NSUN7: variants seen among roughly 807,000 people sequenced by gnomAD.
NSUN7 encodes NOP2/Sun RNA methyltransferase family member 7.
In NSUN7, 39 loss-of-function variants were observed where a neutral mutation model predicts 58.5. That is an observed-to-expected ratio of 0.67 (90% CI 0.52 to 0.87). The LOEUF (loss-of-function observed/expected upper bound fraction) is 0.87. Among genes scored for constraint, NSUN7 ranks in the 40% least tolerant of loss-of-function variants. The pLI is 0.00. For synonymous variants in NSUN7, 278 were observed against 303.7 expected, an observed-to-expected ratio of 0.92 and a Z score of 0.88; for missense variants, 765 against 844.1, an observed-to-expected ratio of 0.91 and a Z score of 1.16.
chr4:40,761,386 G>C (rs764259819), intron 4 of NSUN7, 85 bp downstream of exon 4: 27 of 1,069,666 alleles, frequency 2.5e-5, no homozygotes, highest in Middle Eastern at 2.7e-4. Context: ...ATAATGTGTA[G>C]ATAAGAGTTA....
chr4:40,750,806 A>T lies in NSUN7; in HGVS notation c.113A>T (p.Glu38Val). The T allele has an allele frequency of 1.9e-6, 3 of 1,614,194 alleles. No individual in the cohort carries two copies. The highest frequency in any genetic ancestry group is 2.5e-6 in the Non-Finnish European group (3 of 1,180,034). Reference sequence around the variant, plus strand: ...GGGAAAAGCTCAGCTGGTGTGCCCGAAAAAACGGGCTATCCGGACTCCGTT... The same window carrying T: ...GGGAAAAGCTCAGCTGGTGTGCCCGTAAAAACGGGCTATCCGGACTCCGTT... ...SGGKSSAGVP[E>V]KTGYPDSVYV... The change falls in exon 2 of 12, where the codon GAA (glutamate) becomes GTA (valine). Residue 38 changes from glutamate (E) to valine (V), a missense_variant. By Grantham distance (121) the Glu-to-Val change is moderately radical. Coordinates refer to ENST00000381782, the MANE Select transcript of NSUN7 (RefSeq NM_024677.6).
chr4:40,783,530 G>A (rs571021037), intron 7 of NSUN7, among the ~76,000 whole-genome samples: 1 of 152,054 alleles, frequency 6.6e-6, no homozygotes, highest in Non-Finnish European at 1.5e-5. Flanking sequence ...AAAAACTTTT[G>A]TGCTTCAAAG....
At chr4:40,750,501 G>A (rs1208209535) in intron 1 of NSUN7, 102 bp from the exon 2 acceptor site, 1 of 572,780 alleles carries the variant, frequency 1.7e-6, no homozygotes, top group Non-Finnish European at 3.0e-6. Flanking sequence ...CAGATGGGAC[G>A]GGAAATGCTC....
chr4:40,783,609 A>C (rs1397969787), intron 7 of NSUN7, among the ~76,000 whole-genome samples: 1 of 152,176 alleles, frequency 6.6e-6, no homozygotes, highest in South Asian at 2.1e-4. Flanking sequence ...GCACTTTGGG[A>C]GGCCGAGGTG....
At chr4:40,779,693 ATAATC>A (rs1742434251) in intron 7 of NSUN7, among the ~76,000 whole-genome samples, 1 of 152,248 alleles carries the variant, frequency 6.6e-6, no homozygotes, top group Non-Finnish European at 1.5e-5. Flanking sequence ...CTAAATGATT[ATAATC>A]TAATGTTTAA....
At chr4:40,764,806 T>C (rs1182385928) in intron 4 of NSUN7, among the ~76,000 whole-genome samples, 3 of 152,184 alleles carry the variant, frequency 2.0e-5, no homozygotes, top group African/African-American at 7.2e-5. Context: ...ATTGTGGTTT[T>C]GATTTGCATT....
chr4:40,805,615 T>C (rs1743779705), intron 10 of NSUN7, among the ~76,000 whole-genome samples: 1 of 152,190 alleles, frequency 6.6e-6, no homozygotes, highest in Admixed American at 6.5e-5. Context: ...TTTCCTGGGC[T>C]GCTGAAAGAA....
chr4:40,767,106 A>G (rs1394126386), intron 4 of NSUN7, among the ~76,000 whole-genome samples: 1 of 150,278 alleles, frequency 6.7e-6, no homozygotes, highest in Non-Finnish European at 1.5e-5. Flanking sequence ...GATTTTAGTT[A>G]TTTCTTGCCT....
intron 4 of NSUN7, among the ~76,000 whole-genome samples, chr4:40,765,021 T>G (rs1325441646): frequency 6.7e-6 from 1 of 148,704 alleles, no homozygotes; most frequent in African/African-American, 2.5e-5. Flanking sequence ...TTTCTCCCAT[T>G]TTGTAGGTTG....
intron 7 of NSUN7, among the ~76,000 whole-genome samples, chr4:40,777,354 T>G (rs1378673965): frequency 2.6e-5 from 4 of 152,112 alleles, no homozygotes; most frequent in African/African-American, 9.7e-5. Context: ...TTTTCTGAGA[T>G]GGAGTCTCCC....
intron 7 of NSUN7, among the ~76,000 whole-genome samples, chr4:40,784,092 T>C (rs185294469): frequency 4.6e-5 from 7 of 152,250 alleles, no homozygotes; most frequent in Admixed American, 3.9e-4. Context: ...CATAATGAAA[T>C]ACCACTTCAA....
intron 5 of NSUN7, 51 bp from the exon 6 acceptor site, chr4:40,774,715 CG>C: frequency 8.8e-7 from 1 of 1,134,180 alleles, no homozygotes; most frequent in Non-Finnish European, 1.3e-6. Context: ...GTGTTAAGGA[CG>C]TTTTTAATGT....
intron 7 of NSUN7, among the ~76,000 whole-genome samples, chr4:40,783,147 G>A (rs1176515444): frequency 6.6e-6 from 1 of 152,226 alleles, no homozygotes; most frequent in Non-Finnish European, 1.5e-5. Flanking sequence ...ATCAAGAAGT[G>A]TGATGCTAGC....
chr4:40,805,291 A>G (rs1743767401), intron 10 of NSUN7, among the ~76,000 whole-genome samples: 1 of 152,140 alleles, frequency 6.6e-6, no homozygotes, highest in South Asian at 2.1e-4. Context: ...GGCTCTGGGA[A>G]CAGTTTACTT....
chr4:40,767,065 T>C (rs1332314760), intron 4 of NSUN7, among the ~76,000 whole-genome samples: 1 of 151,288 alleles, frequency 6.6e-6, no homozygotes, highest in Admixed American at 6.6e-5. Flanking sequence ...TGAAGGGTTT[T>C]TTGTGTCTCT....
At position 40,808,656 on chromosome 4, in the gene NSUN7, C is replaced by T. The variant is rs1290240139; in HGVS notation, c.1874C>T (p.Ser625Phe). ...GCATTTGTGAAGAACACTTGTCCCT[C>T]CAGACCGCGTGAACGGCAGACACAC... ...VPAFVKNTCP[S>F]RPRERQTHFL... Residue 625 changes from serine (S) to phenylalanine (F), a missense_variant, in exon 12 of 12, where the codon TCC (serine) becomes TTC (phenylalanine). Physicochemically the swap from Ser to Phe is radical, Grantham distance 155. Coordinates refer to ENST00000381782, the MANE Select transcript of NSUN7 (RefSeq NM_024677.6). The T allele has an allele frequency of 6.4e-7, 1 of 1,551,878 alleles. No homozygotes were observed. Among genetic ancestry groups the T allele is most frequent in the Non-Finnish European group, 8.7e-7 (1 of 1,147,046 alleles).
At chr4:40,771,031 C>A (rs1387784966) in intron 4 of NSUN7, among the ~76,000 whole-genome samples, 1 of 152,102 alleles carries the variant, frequency 6.6e-6, no homozygotes, top group Admixed American at 6.5e-5. Context: ...AGCCTGGTGA[C>A]AGAGCAAGAC....
At position 40,760,307 on chromosome 4, in the gene NSUN7, A is replaced by G. The variant is rs562844240; in HGVS notation, c.299-127A>G. On this transcript the variant is annotated intron_variant, in intron 2 of 11. Coordinates refer to ENST00000381782, the MANE Select transcript of NSUN7 (RefSeq NM_024677.6). ...GTCACTGTAATTTAAGTCATTATCC[A>G]GAATTGAGGTATATTTTAGATATGA... 1.0e-3 allele frequency: 696 copies of G among 695,826 alleles called. 3 individuals carry two copies. Among genetic ancestry groups the G allele is most frequent in the Non-Finnish European group, 1.5e-3 (606 of 403,942 alleles). The allele number at this position is 695,826 out of a possible 1,614,324, so 43.1% of individuals were successfully genotyped here. A position where few individuals can be genotyped will look rare whatever the true frequency, so the allele number is the denominator to read the frequency against.
At chr4:40,771,784 C>A (rs1054603746) in intron 4 of NSUN7, among the ~76,000 whole-genome samples, 6 of 149,592 alleles carry the variant, frequency 4.0e-5, no homozygotes, top group Non-Finnish European at 8.9e-5. Context: ...AAAGGAAGCT[C>A]TGACTGTGTG....
Sources: allele counts gnomAD v4.1 joint callset (sites outside exome capture counted in the v4.1 genomes callset), GRCh38; gene constraint gnomAD v4.1.1; transcripts MANE v1.5; gene names NCBI Gene and HGNC (gene_info 2026-07-23, HGNC 2026-07-21).